The following STK32A variants were observed in gnomAD, a reference collection of about 807,000 sequenced individuals.
STK32A encodes the protein serine/threonine kinase 32A.
STK32A carries 41 observed loss-of-function variants against 53.2 expected under a neutral mutation model. The ratio of observed to expected loss-of-function variants is 0.77; its 90% CI spans 0.60 to 1.00. The LOEUF (loss-of-function observed/expected upper bound fraction) is 1.00, where lower values mean the gene tolerates loss of function less well. Ranked by LOEUF, STK32A falls within the 50% of genes least tolerant of loss-of-function variation. The probability of loss-of-function intolerance (pLI) is 0.00; values close to 1 mark genes in which losing one functional copy is unlikely to be tolerated. For missense variants in STK32A, 458 were observed against 485.8 expected, an observed-to-expected ratio of 0.94 and a Z score of 0.54; for synonymous variants, 166 against 162.8, an observed-to-expected ratio of 1.02 and a Z score of -0.15.
intron 4 of STK32A, among the ~76,000 whole-genome samples, chr5:147,284,707 C>A (rs200750618): frequency 0.3 from 17,724 of 58,516 alleles, 1,562 homozygotes; most frequent in African/African-American, 0.51. Context: ...AAAAAAACAA[C>A]AAAAAAAAAA....
At chr5:147,264,022 T>C (rs1006942417) in intron 2 of STK32A, among the ~76,000 whole-genome samples, 23 of 152,310 alleles carry the variant, frequency 1.5e-4, no homozygotes, top group Non-Finnish European at 4.4e-5. Flanking sequence ...AGGTAGAAGA[T>C]AAGAGCAAAG....
chr5:147,400,267 A>C, the STK32A span, among the ~76,000 whole-genome samples: 2 of 152,230 alleles, frequency 1.3e-5, no homozygotes, highest in Non-Finnish European at 2.9e-5. Flanking sequence ...ACATGCCCTC[A>C]GTACAGGGCG....
Position 147,384,453 on chromosome 5 carries a change from C to A in STK32A, c.*470C>A. 1.3e-6 allele frequency: 2 copies of A among 1,529,704 alleles called. No individual in the cohort carries two copies. The highest frequency in any genetic ancestry group is 1.8e-6 in the Non-Finnish European group (2 of 1,142,352). 94.8% of individuals were successfully genotyped at this position (1,529,704 alleles called of 1,614,324 possible). On this transcript the variant is annotated 3_prime_UTR_variant, in exon 13 of 13. Transcript: ENST00000397936. ...GTTTCATAAAGTGGTCAGAATGCCCCAGGCTACTTGGATAAAGATAAGGAA... is the reference window on the plus strand; with the variant it reads ...GTTTCATAAAGTGGTCAGAATGCCCAAGGCTACTTGGATAAAGATAAGGAA...
At chr5:147,280,667 A>G (rs986951830) in intron 4 of STK32A, among the ~76,000 whole-genome samples, 1 of 150,818 alleles carries the variant, frequency 6.6e-6, no homozygotes, top group African/African-American at 2.4e-5. Flanking sequence ...GCTCAGAGAC[A>G]CCTAGCCCTG....
intron 8 of STK32A, among the ~76,000 whole-genome samples, chr5:147,369,469 T>C (rs961552072): frequency 1.3e-5 from 2 of 152,216 alleles, no homozygotes; most frequent in African/African-American, 4.8e-5. Context: ...CCACTCACTC[T>C]GTTGAGAAAT....
intron 5 of STK32A, among the ~76,000 whole-genome samples, chr5:147,332,019 G>C (rs1023829319): frequency 6.6e-6 from 1 of 152,210 alleles, no homozygotes; most frequent in East Asian, 1.9e-4. Context: ...GTGGTACTTT[G>C]TGACAGCAGC....
At chr5:147,291,515 A>G (rs1048186103) in intron 4 of STK32A, among the ~76,000 whole-genome samples, 9 of 151,974 alleles carry the variant, frequency 5.9e-5, no homozygotes, top group Non-Finnish European at 7.4e-5. Flanking sequence ...AATGAGCTAT[A>G]CATAGTAGAA....
intron 5 of STK32A, among the ~76,000 whole-genome samples, chr5:147,335,521 AG>A (rs915150107): frequency 2.0e-5 from 3 of 152,114 alleles, no homozygotes; most frequent in African/African-American, 7.2e-5. Flanking sequence ...CCTGCTGCCC[AG>A]GGCTCCATGC....
chr5:147,281,159 C>T (rs1752047244), intron 4 of STK32A, among the ~76,000 whole-genome samples: 1 of 152,060 alleles, frequency 6.6e-6, no homozygotes, highest in African/African-American at 2.4e-5. Context: ...AAGAGCCTAC[C>T]CAAGTGAGAA....
At chr5:147,305,301 A>G (rs544051418) in intron 4 of STK32A, among the ~76,000 whole-genome samples, 1 of 152,220 alleles carries the variant, frequency 6.6e-6, no homozygotes, top group Non-Finnish European at 1.5e-5. Flanking sequence ...TGCCTCACAG[A>G]TAGGTTACCA....
intron 3 of STK32A, among the ~76,000 whole-genome samples, chr5:147,278,969 G>C (rs577210972): frequency 6.6e-6 from 1 of 152,234 alleles, no homozygotes; most frequent in East Asian, 1.9e-4. Context: ...TTCCTGACAT[G>C]GAGGCAGCTA....
chr5:147,394,413 T>C, the STK32A span, among the ~76,000 whole-genome samples: 1 of 152,180 alleles, frequency 6.6e-6, no homozygotes, highest in Non-Finnish European at 1.5e-5. Flanking sequence ...GTGACACTCA[T>C]TGTGGCAGGC....
At chr5:147,323,630 G>T (rs1257333120) in intron 4 of STK32A, among the ~76,000 whole-genome samples, 1 of 152,136 alleles carries the variant, frequency 6.6e-6, no homozygotes, top group Non-Finnish European at 1.5e-5. Flanking sequence ...AACAGTTATT[G>T]AGTGCTTACT....
intron 4 of STK32A, among the ~76,000 whole-genome samples, chr5:147,290,675 C>T (rs1752559138): frequency 6.6e-6 from 1 of 152,162 alleles, no homozygotes; most frequent in Admixed American, 6.5e-5. Context: ...ACCAGATCAT[C>T]TGTTTTAACT....
chr5:147,264,574 T>C (rs959746828), intron 2 of STK32A, among the ~76,000 whole-genome samples: 9 of 152,228 alleles, frequency 5.9e-5, no homozygotes, highest in African/African-American at 2.2e-4. Flanking sequence ...ACCATTTCTG[T>C]ATTCATAATA....
At chr5:147,298,148 A>G (rs1752956166) in intron 4 of STK32A, among the ~76,000 whole-genome samples, 1 of 152,090 alleles carries the variant, frequency 6.6e-6, no homozygotes. Flanking sequence ...TTATCTTCCT[A>G]GGAGATGGAT....
intron 4 of STK32A, among the ~76,000 whole-genome samples, chr5:147,283,165 G>A (rs1319670772): frequency 6.6e-6 from 1 of 152,072 alleles, no homozygotes; most frequent in Non-Finnish European, 1.5e-5. Context: ...GCAAATACAT[G>A]GAAATTAAAT....
chr5:147,319,893 G>A (rs1754215429), intron 4 of STK32A, among the ~76,000 whole-genome samples: 1 of 152,090 alleles, frequency 6.6e-6, no homozygotes, highest in African/African-American at 2.4e-5. Context: ...ATCAGAATGA[G>A]GATCTGGTGC....
chr5:147,279,747 T>A (rs1356255619), intron 4 of STK32A, among the ~76,000 whole-genome samples: 2 of 152,152 alleles, frequency 1.3e-5, no homozygotes, highest in Non-Finnish European at 2.9e-5. Context: ...GCCAGCTATT[T>A]TTACACCAAA....
Sources: gnomAD v4.1 joint callset for allele counts (sites outside exome capture counted in the v4.1 genomes callset) on GRCh38, gnomAD v4.1.1 for gene constraint, MANE v1.5 for transcripts, NCBI Gene and HGNC (gene_info 2026-07-23, HGNC 2026-07-21) for gene names.